ARB2A: variants seen among roughly 807,000 people sequenced by gnomAD.
ARB2A encodes cotranscriptional regulator ARB2A.
the ARB2A span, among the ~76,000 whole-genome samples, chr5:93,720,715 C>T: frequency 6.6e-6 from 1 of 152,160 alleles, no homozygotes; most frequent in Admixed American, 6.5e-5. Flanking sequence ...AGCTCGAATG[C>T]TAATATATTA....
the ARB2A span, among the ~76,000 whole-genome samples, chr5:93,838,953 T>C: frequency 6.6e-6 from 1 of 151,952 alleles, no homozygotes; most frequent in South Asian, 2.1e-4. Flanking sequence ...GGGCAGAAAC[T>C]ATGGGGTGGT....
At chr5:94,054,600 C>T in the ARB2A span, among the ~76,000 whole-genome samples, 1 of 152,100 alleles carries the variant, frequency 6.6e-6, no homozygotes, top group Admixed American at 6.6e-5. Context: ...TACTATATGC[C>T]AGGCCTCTCC....
the ARB2A span, among the ~76,000 whole-genome samples, chr5:93,982,074 T>C: frequency 6.6e-6 from 1 of 152,086 alleles, no homozygotes; most frequent in South Asian, 2.1e-4. Flanking sequence ...AGAAGAGGAA[T>C]AGAAGAGTCC....
At chr5:93,970,373 C>A in the ARB2A span, among the ~76,000 whole-genome samples, 1 of 151,736 alleles carries the variant, frequency 6.6e-6, no homozygotes, top group Non-Finnish European at 1.5e-5. Context: ...CTCTTTCAAC[C>A]AAATAAAATC....
the ARB2A span, among the ~76,000 whole-genome samples, chr5:93,937,560 C>T: frequency 1.3e-5 from 2 of 151,602 alleles, no homozygotes; most frequent in East Asian, 1.9e-4. Flanking sequence ...TGCAGTGAGC[C>T]GAGATTGCGC....
the ARB2A span, among the ~76,000 whole-genome samples, chr5:93,864,434 A>C: frequency 6.6e-6 from 1 of 152,170 alleles, no homozygotes; most frequent in African/African-American, 2.4e-5. Flanking sequence ...AAACAATTTT[A>C]AGTATCATTG....
the ARB2A span, among the ~76,000 whole-genome samples, chr5:93,887,461 G>T: frequency 6.6e-6 from 1 of 151,662 alleles, no homozygotes; most frequent in Non-Finnish European, 1.5e-5. Context: ...TAGATACTAA[G>T]CAATATTAGA....
the ARB2A span, among the ~76,000 whole-genome samples, chr5:94,090,308 T>C: frequency 5.9e-5 from 9 of 152,252 alleles, no homozygotes; most frequent in Non-Finnish European, 7.3e-5. Flanking sequence ...GAATTCACTA[T>C]GATTTGGCTC....
the ARB2A span, among the ~76,000 whole-genome samples, chr5:93,732,935 T>C: frequency 2.0e-5 from 3 of 151,920 alleles, no homozygotes; most frequent in African/African-American, 7.2e-5. Context: ...TATATTTTTT[T>C]CTCTATGTAA....
chr5:94,032,097 T>C, the ARB2A span, among the ~76,000 whole-genome samples: 1 of 152,180 alleles, frequency 6.6e-6, no homozygotes, highest in South Asian at 2.1e-4. Flanking sequence ...AGAGAATCCC[T>C]AAAAGAATGC....
At chr5:93,844,201 T>C in the ARB2A span, among the ~76,000 whole-genome samples, 2 of 151,940 alleles carry the variant, frequency 1.3e-5, no homozygotes, top group Admixed American at 1.3e-4. Flanking sequence ...TCCAGCACTT[T>C]GGGAGGCCCA....
At chr5:94,029,902 G>A in the ARB2A span, among the ~76,000 whole-genome samples, 1 of 152,298 alleles carries the variant, frequency 6.6e-6, no homozygotes, top group South Asian at 2.1e-4. Context: ...AAAGGAAAGA[G>A]GTTTAATTGA....
At chr5:94,095,292 T>C in the ARB2A span, among the ~76,000 whole-genome samples, 1 of 152,150 alleles carries the variant, frequency 6.6e-6, no homozygotes, top group African/African-American at 2.4e-5. Context: ...GGCATTATCA[T>C]CCGTAAAGTG....
At chr5:93,645,870 TC>T in the ARB2A span, among the ~76,000 whole-genome samples, 4 of 152,196 alleles carry the variant, frequency 2.6e-5, no homozygotes, top group Non-Finnish European at 5.9e-5. Context: ...TGTAACTAAT[TC>T]ACAAAGGTGA....
the ARB2A span, among the ~76,000 whole-genome samples, chr5:93,781,495 A>T: frequency 6.6e-6 from 1 of 152,210 alleles, no homozygotes; most frequent in Admixed American, 6.5e-5. Context: ...TGCGATAAAC[A>T]TACCAGTATA....
chr5:93,937,898 C>G, the ARB2A span, among the ~76,000 whole-genome samples: 1 of 151,884 alleles, frequency 6.6e-6, no homozygotes, highest in Non-Finnish European at 1.5e-5. Flanking sequence ...GGAATAATGA[C>G]AAGGAAAAAA....
chr5:93,986,720 A>G, the ARB2A span, among the ~76,000 whole-genome samples: 3,505 of 152,190 alleles, frequency 0.023, 78 homozygotes, highest in Non-Finnish European at 0.031. Context: ...CTTACCCCCA[A>G]CCCGGTGCTC....
the ARB2A span, among the ~76,000 whole-genome samples, chr5:93,669,538 T>C: frequency 6.6e-6 from 1 of 152,210 alleles, no homozygotes; most frequent in South Asian, 2.1e-4. Context: ...TCATTAACAT[T>C]ATGGATTCTT....
chr5:93,851,705 T>C, the ARB2A span, among the ~76,000 whole-genome samples: 1 of 152,136 alleles, frequency 6.6e-6, no homozygotes, highest in Non-Finnish European at 1.5e-5. Context: ...TATGTGGTGT[T>C]TGGTTTTTTG....
Sources: allele counts gnomAD v4.1 joint callset (sites outside exome capture counted in the v4.1 genomes callset), GRCh38; gene constraint gnomAD v4.1.1; transcripts MANE v1.5; gene names NCBI Gene and HGNC (gene_info 2026-07-23, HGNC 2026-07-21).